ADGRB3: variants seen among roughly 807,000 people sequenced by gnomAD.
ADGRB3 encodes brain-specific angiogenesis inhibitor 3.
ADGRB3 carries 37 observed loss-of-function variants against 193.4 expected under a neutral mutation model. The ratio of observed to expected loss-of-function variants is 0.19; its 90% CI spans 0.15 to 0.25. ADGRB3 has a LOEUF of 0.25. ADGRB3 is among the 10% of genes least tolerant of loss of function. The pLI, the probability that ADGRB3 is intolerant of heterozygous loss-of-function variation, is 1.00. For missense variants in ADGRB3, 1,637 were observed against 1,852.9 expected (o/e 0.88, Z 2.14); for synonymous variants, 690 against 644.2 (o/e 1.07, Z -1.08).
At chr6:68,998,325 C>A (rs1394928182) in intron 11 of ADGRB3, among the ~76,000 whole-genome samples, 1 of 152,302 alleles carries the variant, frequency 6.6e-6, no homozygotes, top group South Asian at 2.1e-4. Context: ...GAAGCAACAT[C>A]TATAACCCCT....
At chr6:69,188,115 G>GT (rs1765106425) in intron 17 of ADGRB3, among the ~76,000 whole-genome samples, 1 of 152,036 alleles carries the variant, frequency 6.6e-6, no homozygotes, top group Admixed American at 6.6e-5. Flanking sequence ...ATATTGCCTT[G>GT]TTTTAGATAT....
chr6:69,307,997 C>A (rs970172949), intron 20 of ADGRB3, among the ~76,000 whole-genome samples: 5 of 151,366 alleles, frequency 3.3e-5, no homozygotes, highest in Non-Finnish European at 7.4e-5. Context: ...ATGAATATGC[C>A]AGAAAGGCAG....
At chr6:69,243,904 G>T (rs1028276667) in intron 20 of ADGRB3, among the ~76,000 whole-genome samples, 2 of 152,000 alleles carry the variant, frequency 1.3e-5, no homozygotes, top group Admixed American at 1.3e-4. Context: ...ATAAATTGTA[G>T]ATATTATAAC....
chr6:69,230,362 A>G (rs1766106432), intron 17 of ADGRB3, among the ~76,000 whole-genome samples: 1 of 152,218 alleles, frequency 6.6e-6, no homozygotes, highest in African/African-American at 2.4e-5. Flanking sequence ...CATTGGAAGA[A>G]TAATGTGACT....
Position 69,361,378 on chromosome 6 carries a change from C to A in ADGRB3, c.4105C>A (p.Pro1369Thr), listed in dbSNP as rs752165689. Reference protein sequence around the residue: ...FNMNLEQHLAPQEHMQNLPFE... With the variant: ...FNMNLEQHLATQEHMQNLPFE... ...TATGAACTTAGAGCAACATCTCGCA[C>A]CCCAGGAACATATGCAGAATTTGCC... The change falls in exon 29 of 32, where the codon CCC (proline) becomes ACC (threonine). Residue 1369 changes from proline to threonine, a missense_variant. Coordinates refer to ENST00000370598, the MANE Select transcript of ADGRB3 (RefSeq NM_001704.3). 12 of 1,612,918 alleles carry A rather than the reference C, an allele frequency of 7.4e-6. No homozygotes were observed. The South Asian group carries it at 1.2e-4, about 16-fold the overall frequency.
At chr6:69,355,117 A>G (rs184083802) in intron 27 of ADGRB3, among the ~76,000 whole-genome samples, 35 of 152,348 alleles carry the variant, frequency 2.3e-4, no homozygotes, top group Admixed American at 2.3e-3. Flanking sequence ...AAAATCTCTG[A>G]TTTAAAATAT....
chr6:68,692,945 G>A (rs1391793886), intron 3 of ADGRB3, among the ~76,000 whole-genome samples: 1 of 150,886 alleles, frequency 6.6e-6, no homozygotes, highest in Non-Finnish European at 1.5e-5. Context: ...TAAACATATG[G>A]TATTGTAACT....
intron 3 of ADGRB3, among the ~76,000 whole-genome samples, chr6:68,838,684 G>A (rs1053712488): frequency 1.4e-4 from 22 of 152,248 alleles, no homozygotes; most frequent in African/African-American, 5.1e-4. Context: ...TTTTAGAGCT[G>A]TTATTTATTT....
chr6:69,177,493 ACTACAGGTGCCTGCCAC>A (rs1204260024), intron 17 of ADGRB3, among the ~76,000 whole-genome samples: 1 of 152,010 alleles, frequency 6.6e-6, no homozygotes, highest in Non-Finnish European at 1.5e-5. Flanking sequence ...AGTAGCAGGG[ACTACAGGTGCCTGCCAC>A]CATGCCTGGC....
chr6:68,958,879 G>GAA (rs1768154985), intron 8 of ADGRB3, among the ~76,000 whole-genome samples: 1 of 74,706 alleles, frequency 1.3e-5, no homozygotes, highest in African/African-American at 5.6e-5. Flanking sequence ...TAGTGTGTGT[G>GAA]TGTGTGTGTG....
At chr6:68,658,580 T>C (rs570913396) in intron 3 of ADGRB3, among the ~76,000 whole-genome samples, 4 of 151,434 alleles carry the variant, frequency 2.6e-5, no homozygotes, top group African/African-American at 7.2e-5. Context: ...AAATGGAGTA[T>C]TGATTTCGAC....
intron 30 of ADGRB3, among the ~76,000 whole-genome samples, chr6:69,375,372 G>T (rs1007559197): frequency 1.3e-5 from 2 of 152,058 alleles, no homozygotes; most frequent in Admixed American, 6.6e-5. Flanking sequence ...CCACTTCCTG[G>T]AGGTGGTAGG....
intron 20 of ADGRB3, among the ~76,000 whole-genome samples, chr6:69,317,253 T>G (rs1180380192): frequency 6.6e-6 from 1 of 151,482 alleles, no homozygotes; most frequent in Non-Finnish European, 1.5e-5. Flanking sequence ...AACCAGTATA[T>G]GAGAGTTTTT....
chr6:68,698,374 A>G (rs931246376), intron 3 of ADGRB3, among the ~76,000 whole-genome samples: 24 of 152,126 alleles, frequency 1.6e-4, no homozygotes, highest in Admixed American at 3.3e-4. Context: ...ATAGAAACCA[A>G]TGAGGAGGCA....
chr6:69,300,758 C>A lies in ADGRB3; in HGVS notation c.2815-24114C>A, dbSNP rs1490009226. Among the ~76,000 whole-genome samples the A allele has an allele frequency of 2.0e-5, 3 of 151,672 alleles. No homozygotes were observed. The East Asian group carries it at 5.9e-4, about 30-fold the overall frequency. On this transcript the variant is annotated intron_variant, in intron 20 of 31. Transcript: ENST00000370598. ...CAAAATGTCTAGGAATACACTTAAA[C>A]AAAGAAGTGAAAAATCTCTACCATG...
At chr6:68,787,103 G>A (rs1766991330) in intron 3 of ADGRB3, among the ~76,000 whole-genome samples, 2 of 152,098 alleles carry the variant, frequency 1.3e-5, no homozygotes, top group South Asian at 2.1e-4. Flanking sequence ...CTGCAAACAG[G>A]GACAATTTGA....
At chr6:68,986,596 A>G (rs1769083377) in intron 10 of ADGRB3, among the ~76,000 whole-genome samples, 1 of 152,202 alleles carries the variant, frequency 6.6e-6, no homozygotes, top group South Asian at 2.1e-4. Flanking sequence ...ATTTATAAAT[A>G]ATCAAATGCC....
intron 18 of ADGRB3, among the ~76,000 whole-genome samples, chr6:69,234,433 C>T (rs951507776): frequency 3.3e-5 from 5 of 151,842 alleles, no homozygotes; most frequent in African/African-American, 7.3e-5. Context: ...AAAAAAATCA[C>T]AAAATATACT....
At chr6:68,650,625 T>A (rs1768340172) in intron 3 of ADGRB3, among the ~76,000 whole-genome samples, 1 of 152,200 alleles carries the variant, frequency 6.6e-6, no homozygotes, top group Non-Finnish European at 1.5e-5. Flanking sequence ...AGTTTCATTT[T>A]GCCTGTTGAT....
Sources: gnomAD v4.1 joint callset for allele counts (sites outside exome capture counted in the v4.1 genomes callset) on GRCh38, gnomAD v4.1.1 for gene constraint, MANE v1.5 for transcripts, NCBI Gene and HGNC (gene_info 2026-07-23, HGNC 2026-07-21) for gene names.